The following SYT10 variants were observed in gnomAD, a reference collection of about 807,000 sequenced individuals.
SYT10 encodes synaptotagmin-10.
In SYT10, 31 loss-of-function variants were observed where a neutral mutation model predicts 51.1. That is an observed-to-expected ratio of 0.61 (90% CI 0.46 to 0.82). SYT10 has a LOEUF of 0.82. Among genes scored for constraint, SYT10 ranks in the 40% least tolerant of loss-of-function variants. SYT10 has a pLI of 0.00. For missense variants in SYT10, 603 were observed against 634.0 expected (o/e 0.95, Z 0.53); for synonymous variants, 233 against 225.9 (o/e 1.03, Z -0.28).
chr12:33,390,378 C>T (rs1167098822), intron 3 of SYT10, among the ~76,000 whole-genome samples: 47 of 152,224 alleles, frequency 3.1e-4, no homozygotes, highest in Admixed American at 2.9e-3. Flanking sequence ...GTCATTTATA[C>T]GATCTTCTGG....
rs1459843955 is a variant in SYT10, at chr12:33,428,477, A to C, written c.152-1982T>G. ...AGCTGGGAGAATATTTTAAGAAATGATAGTGTAAATCATTAAAATAAGTTC... is the reference window on the plus strand; with the variant it reads ...AGCTGGGAGAATATTTTAAGAAATGCTAGTGTAAATCATTAAAATAAGTTC... On this transcript the variant is annotated intron_variant, in intron 1 of 6. Coordinates refer to ENST00000228567, the MANE Select transcript of SYT10 (RefSeq NM_198992.4). Among the ~76,000 whole-genome samples, 3 of 152,360 alleles carry C rather than the reference A, an allele frequency of 2.0e-5. No homozygotes were observed. The East Asian group carries it at 5.8e-4, about 29-fold the overall frequency.
chr12:33,412,205 T>A (rs1047177269), intron 2 of SYT10, among the ~76,000 whole-genome samples: 11 of 149,154 alleles, frequency 7.4e-5, no homozygotes, highest in African/African-American at 2.7e-4. Context: ...TCTTTATGAC[T>A]CTGATTATAT....
At chr12:33,410,166 T>C (rs1430917971) in intron 2 of SYT10, among the ~76,000 whole-genome samples, 1 of 152,210 alleles carries the variant, frequency 6.6e-6, no homozygotes, top group Non-Finnish European at 1.5e-5. Flanking sequence ...TATTCTGTGA[T>C]TCTCTTTCAT....
intron 2 of SYT10, among the ~76,000 whole-genome samples, chr12:33,411,127 C>T (rs1282493543): frequency 3.3e-5 from 5 of 152,104 alleles, no homozygotes; most frequent in Admixed American, 1.3e-4. Flanking sequence ...GGTCTAGTGG[C>T]CACACCCTTA....
At chr12:33,391,042 T>C (rs909085144) in intron 3 of SYT10, among the ~76,000 whole-genome samples, 3 of 152,124 alleles carry the variant, frequency 2.0e-5, no homozygotes, top group Non-Finnish European at 4.4e-5. Flanking sequence ...GTTCAAGCAA[T>C]TATCCTGCCT....
chr12:33,377,333 C>A (rs1192927738), intron 6 of SYT10, among the ~76,000 whole-genome samples: 1 of 151,644 alleles, frequency 6.6e-6, no homozygotes. Flanking sequence ...CCACCACGCC[C>A]GGCTAATTTT....
At chr12:33,411,013 T>C (rs1350871791) in intron 2 of SYT10, among the ~76,000 whole-genome samples, 2 of 152,172 alleles carry the variant, frequency 1.3e-5, no homozygotes, top group Non-Finnish European at 2.9e-5. Context: ...GTACTTACTA[T>C]TATGTTCCCA....
intron 3 of SYT10, among the ~76,000 whole-genome samples, chr12:33,391,246 T>A (rs1866204137): frequency 6.6e-6 from 1 of 151,786 alleles, no homozygotes; most frequent in African/African-American, 2.4e-5. Flanking sequence ...CTTTTTATTT[T>A]ATTTTATTTT....
At chr12:33,426,094 AC>A in intron 2 of SYT10, 43 bp downstream of exon 2, 1 of 1,502,222 alleles carries the variant, frequency 6.7e-7, no homozygotes, top group Non-Finnish European at 8.9e-7. Context: ...ACACACACAC[AC>A]ACACGCACAC....
chr12:33,382,332 A>C lies in SYT10; in HGVS notation c.1370+17T>G. ...CTAGACATGGCTGCTCTTCAGTGAG[A>C]AGAGAGATACACATACCTATCGTAA... On this transcript the variant is annotated intron_variant, in intron 5 of 6. Coordinates refer to ENST00000228567, the MANE Select transcript of SYT10 (RefSeq NM_198992.4). The C allele has an allele frequency of 6.5e-7, 1 of 1,541,070 alleles. No individual in the cohort carries two copies. The highest frequency in any genetic ancestry group is 8.7e-7 in the Non-Finnish European group (1 of 1,146,384).
chr12:33,398,055 T>G (rs575877591), intron 3 of SYT10, among the ~76,000 whole-genome samples: 1 of 152,072 alleles, frequency 6.6e-6, no homozygotes, highest in African/African-American at 2.4e-5. Context: ...GGCAGTGGAA[T>G]AGGGTGTTCA....
At chr12:33,390,788 G>A (rs1591983957) in intron 3 of SYT10, among the ~76,000 whole-genome samples, 1 of 152,106 alleles carries the variant, frequency 6.6e-6, no homozygotes, top group Admixed American at 6.6e-5. Flanking sequence ...AAACACTGAC[G>A]ACTAAGACAC....
intron 1 of SYT10, among the ~76,000 whole-genome samples, chr12:33,430,000 A>G (rs1032130387): frequency 6.6e-6 from 1 of 152,148 alleles, no homozygotes; most frequent in Non-Finnish European, 1.5e-5. Context: ...TCTAGCTCTA[A>G]TTTTCACTGT....
At chr12:33,392,859 C>T (rs1292994537) in intron 3 of SYT10, among the ~76,000 whole-genome samples, 1 of 151,438 alleles carries the variant, frequency 6.6e-6, no homozygotes, top group Non-Finnish European at 1.5e-5. Context: ...CCACCCAGAG[C>T]TACTATTGCC....
intron 3 of SYT10, among the ~76,000 whole-genome samples, chr12:33,395,042 C>G (rs1591985698): frequency 6.6e-6 from 1 of 152,214 alleles, no homozygotes. Flanking sequence ...GAGCCGAGAT[C>G]ACGCCACTGC....
At chr12:33,433,657 T>A (rs1285712212) in intron 1 of SYT10, among the ~76,000 whole-genome samples, 1 of 152,122 alleles carries the variant, frequency 6.6e-6, no homozygotes, top group Non-Finnish European at 1.5e-5. Context: ...GTGTGCATAG[T>A]CAAGTAAGAA....
intron 4 of SYT10, among the ~76,000 whole-genome samples, chr12:33,383,058 G>A (rs1343082250): frequency 2.0e-5 from 3 of 152,136 alleles, no homozygotes; most frequent in Non-Finnish European, 4.4e-5. Context: ...AGGCCAAAGG[G>A]ATCAGATAAT....
chr12:33,429,357 G>A (rs1224176674), intron 1 of SYT10, among the ~76,000 whole-genome samples: 1 of 152,202 alleles, frequency 6.6e-6, no homozygotes, highest in Non-Finnish European at 1.5e-5. Context: ...TTTGGGAATA[G>A]TTTGGGATAT....
chr12:33,433,764 C>T (rs1443508872), intron 1 of SYT10, among the ~76,000 whole-genome samples: 1 of 152,134 alleles, frequency 6.6e-6, no homozygotes. Flanking sequence ...ATTTTATTGG[C>T]CAGTAATTAT....
Sources: gnomAD v4.1 joint callset for allele counts (sites outside exome capture counted in the v4.1 genomes callset) on GRCh38, gnomAD v4.1.1 for gene constraint, MANE v1.5 for transcripts, NCBI Gene and HGNC (gene_info 2026-07-23, HGNC 2026-07-21) for gene names.